METAP1: variants seen among roughly 807,000 people sequenced by gnomAD.
METAP1 encodes the protein methionyl aminopeptidase 1, also known as methionine aminopeptidase 1.
In METAP1, 28 loss-of-function variants were observed where a neutral mutation model predicts 53.8. The observed-to-expected ratio is 0.52, with a 90% CI of 0.39 to 0.71. The LOEUF is 0.71. Ranked by LOEUF, METAP1 falls within the 30% of genes least tolerant of loss-of-function variation. The probability of loss-of-function intolerance (pLI) is 0.00; values close to 1 mark genes in which losing one functional copy is unlikely to be tolerated. For missense variants in METAP1, 389 were observed against 479.8 expected (o/e 0.81, Z 1.77); for synonymous variants, 181 against 165.7 (o/e 1.09, Z -0.71).
At chr4:99,016,340 G>A (rs978439650) in intron 1 of METAP1, among the ~76,000 whole-genome samples, 1 of 152,158 alleles carries the variant, frequency 6.6e-6, no homozygotes, top group Non-Finnish European at 1.5e-5. Flanking sequence ...GAGGCATTTG[G>A]TCCATCGTAG....
At chr4:98,999,118 T>C (rs981310226) in intron 1 of METAP1, among the ~76,000 whole-genome samples, 1 of 152,132 alleles carries the variant, frequency 6.6e-6, no homozygotes. Context: ...AGAATGTCTG[T>C]TTTTTAGTCG....
At chr4:98,996,100 G>A (rs1722609402) in intron 1 of METAP1, among the ~76,000 whole-genome samples, 1 of 152,172 alleles carries the variant, frequency 6.6e-6, no homozygotes, top group African/African-American at 2.4e-5. Context: ...CACCCGCCGC[G>A]GCCATGTGGG....
At position 98,995,743 on chromosome 4, in the gene METAP1, G is replaced by C; in HGVS notation, c.-11G>C. On this transcript the variant is annotated 5_prime_UTR_variant, in exon 1 of 11. Transcript: ENST00000296411. ...TTCCTCGGTGAGGCGCTCTTCCAGC[G>C]GGCAGGCAGCATGGCGGCCGTGGAG... is the stretch of plus-strand genomic sequence containing the variant. 1 of 1,544,446 alleles carries C rather than the reference G, an allele frequency of 6.5e-7. No homozygotes were observed.
intron 1 of METAP1, among the ~76,000 whole-genome samples, chr4:99,020,230 C>G (rs764418621): frequency 1.3e-5 from 2 of 152,124 alleles, no homozygotes; most frequent in Non-Finnish European, 2.9e-5. Flanking sequence ...TCAATTTGCT[C>G]TGCTACTCTC....
intron 1 of METAP1, among the ~76,000 whole-genome samples, chr4:99,002,858 T>C (rs553664726): frequency 5.9e-5 from 9 of 152,166 alleles, no homozygotes; most frequent in African/African-American, 2.2e-4. Flanking sequence ...GCAGATATCT[T>C]GCTACGAGAT....
chr4:99,031,426 T>C (rs1725014808), intron 2 of METAP1: 3 of 1,269,894 alleles, frequency 2.4e-6, no homozygotes, highest in Non-Finnish European at 2.0e-6. Flanking sequence ...AAAAGCCGCA[T>C]TTAATAAAAG....
chr4:99,008,129 G>A (rs895259605), intron 1 of METAP1, among the ~76,000 whole-genome samples: 1 of 152,196 alleles, frequency 6.6e-6, no homozygotes, highest in Non-Finnish European at 1.5e-5. Context: ...TCATGAAGGA[G>A]TTAAGAACTG....
chr4:99,026,725 G>C, intron 1 of METAP1: 4 of 985,394 alleles, frequency 4.1e-6, no homozygotes, highest in Non-Finnish European at 4.8e-6. Context: ...TGAAGTTGTG[G>C]TTTAGAGAAG....
intron 1 of METAP1, among the ~76,000 whole-genome samples, chr4:99,002,926 TG>T (rs1318301802): frequency 3.3e-5 from 5 of 150,210 alleles, no homozygotes; most frequent in Non-Finnish European, 7.4e-5. Context: ...ATTAGCTGGG[TG>T]GTGATGGTGC....
intron 1 of METAP1, chr4:99,022,448 G>T (rs1201925344): frequency 6.3e-6 from 4 of 630,156 alleles, no homozygotes; most frequent in Non-Finnish European, 1.1e-5. Flanking sequence ...CACCCTACTG[G>T]CTGTGCTGCT....
At chr4:99,036,543 T>G (rs962957202) in intron 4 of METAP1, among the ~76,000 whole-genome samples, 1 of 152,112 alleles carries the variant, frequency 6.6e-6, no homozygotes, top group Non-Finnish European at 1.5e-5. Flanking sequence ...TCTATATATG[T>G]AAACACATTA....
At chr4:99,007,481 C>A (rs1033298740) in intron 1 of METAP1, among the ~76,000 whole-genome samples, 5 of 151,956 alleles carry the variant, frequency 3.3e-5, no homozygotes, top group African/African-American at 1.2e-4. Context: ...TTTAGCATTG[C>A]GATGATCCTT....
At chr4:99,018,233 A>G (rs1192646406) in intron 1 of METAP1, among the ~76,000 whole-genome samples, 1 of 152,228 alleles carries the variant, frequency 6.6e-6, no homozygotes, top group Non-Finnish European at 1.5e-5. Context: ...TGCTAATTAG[A>G]TGACCTAAAT....
At chr4:98,995,987 G>A in intron 1 of METAP1, 120 bp downstream of exon 1, 2 of 803,324 alleles carry the variant, frequency 2.5e-6, no homozygotes, top group South Asian at 1.5e-5. Context: ...CCCCCCGGCC[G>A]CGTTTCCTCC....
chr4:99,034,383 A>G (rs1253119179), intron 3 of METAP1, 41 bp downstream of exon 3: 2 of 1,184,186 alleles, frequency 1.7e-6, no homozygotes, highest in Middle Eastern at 1.9e-4. Context: ...CCAATTTTGA[A>G]TTTTCCAAAA....
At chr4:99,024,525 G>C (rs1011851553) in intron 1 of METAP1, among the ~76,000 whole-genome samples, 4 of 152,170 alleles carry the variant, frequency 2.6e-5, no homozygotes, top group African/African-American at 9.7e-5. Context: ...CTCTTGTGCC[G>C]AGTCAGTTCC....
At chr4:99,015,039 AAG>A (rs1560699380) in intron 1 of METAP1, among the ~76,000 whole-genome samples, 1 of 152,212 alleles carries the variant, frequency 6.6e-6, no homozygotes, top group Non-Finnish European at 1.5e-5. Context: ...AGAATCTTGA[AAG>A]AGAGCTACCA....
At chr4:99,006,249 GATAA>G (rs760284652) in intron 1 of METAP1, among the ~76,000 whole-genome samples, 1 of 152,134 alleles carries the variant, frequency 6.6e-6, no homozygotes, top group Non-Finnish European at 1.5e-5. Context: ...CTGGAAAAAA[GATAA>G]ATAACAGGGA....
chr4:99,014,262 C>T (rs1201418722), intron 1 of METAP1, among the ~76,000 whole-genome samples: 2 of 152,160 alleles, frequency 1.3e-5, no homozygotes, highest in African/African-American at 4.8e-5. Flanking sequence ...CAGTAAGTCC[C>T]TCTAGGGCTC....
Sources: allele counts gnomAD v4.1 joint callset (sites outside exome capture counted in the v4.1 genomes callset), GRCh38; gene constraint gnomAD v4.1.1; transcripts MANE v1.5; gene names NCBI Gene and HGNC (gene_info 2026-07-23, HGNC 2026-07-21).